Variants in ADK observed in about 807,000 individuals in gnomAD.
ADK encodes the protein N6,N6-dimethyladenosine kinase.
In ADK, 24 loss-of-function variants were observed where a neutral mutation model predicts 44.7. The ratio of observed to expected loss-of-function variants is 0.54; its 90% CI spans 0.39 to 0.76. The LOEUF is 0.76. Ranked by LOEUF, ADK falls within the 30% of genes least tolerant of loss-of-function variation. The pLI is 0.00. For synonymous variants in ADK, 128 were observed against 142.6 expected (o/e 0.90, Z 0.73); for missense variants, 321 against 425.1 (o/e 0.76, Z 2.15).
intron 6 of ADK, among the ~76,000 whole-genome samples, chr10:74,462,144 A>G (rs1257006608): frequency 6.6e-6 from 1 of 152,080 alleles, no homozygotes; most frequent in Non-Finnish European, 1.5e-5. Flanking sequence ...TTGTTTTTAT[A>G]CCAGAGCACC....
chr10:74,358,635 T>G (rs2131933838), intron 4 of ADK, among the ~76,000 whole-genome samples: 1 of 152,318 alleles, frequency 6.6e-6, no homozygotes, highest in South Asian at 2.1e-4. Context: ...CTGACAAAAC[T>G]TTTCATCCTC....
chr10:74,599,937 A>G (rs1852056914), intron 8 of ADK, among the ~76,000 whole-genome samples: 1 of 152,116 alleles, frequency 6.6e-6, no homozygotes, highest in South Asian at 2.1e-4. Context: ...TCTTTATAAA[A>G]ACCTCTCTTT....
intron 6 of ADK, among the ~76,000 whole-genome samples, chr10:74,467,331 A>G (rs1301143293): frequency 6.6e-6 from 1 of 152,156 alleles, no homozygotes; most frequent in Non-Finnish European, 1.5e-5. Context: ...GACTTGATGC[A>G]ATGAAGAACA....
At chr10:74,603,837 A>G (rs1057368637) in intron 9 of ADK, among the ~76,000 whole-genome samples, 6 of 152,224 alleles carry the variant, frequency 3.9e-5, no homozygotes, top group African/African-American at 1.4e-4. Context: ...TGTTTTCCAC[A>G]ATGGTTGAAC....
At position 74,675,096 on chromosome 10, in the gene ADK, G is replaced by A. The variant is rs568910908; in HGVS notation, c.964+4827G>A. On this transcript the variant is annotated intron_variant, in intron 10 of 10. Coordinates refer to ENST00000539909, the MANE Select transcript of ADK (RefSeq NM_006721.4). ...ACTTTCAAGTTTTGCTGGCCTAAGA[G>A]TATTTCTGTCTTTTGTGACTTTGCA... Among the ~76,000 whole-genome samples the A allele has an allele frequency of 3.9e-5, 6 of 152,216 alleles. No individual in the cohort carries two copies. The South Asian group carries it at 1.0e-3, about 26-fold the overall frequency.
chr10:74,381,420 G>T (rs973456476), intron 4 of ADK, among the ~76,000 whole-genome samples: 7 of 152,156 alleles, frequency 4.6e-5, no homozygotes, highest in African/African-American at 1.4e-4. Flanking sequence ...ACTAACTCAG[G>T]TAGAGGAAAG....
intron 9 of ADK, among the ~76,000 whole-genome samples, chr10:74,629,036 C>G (rs1350767620): frequency 6.6e-6 from 1 of 151,974 alleles, no homozygotes; most frequent in Non-Finnish European, 1.5e-5. Context: ...ATTCTGCACC[C>G]TACTCTTTTT....
chr10:74,379,633 C>T (rs1842920634), intron 4 of ADK, among the ~76,000 whole-genome samples: 1 of 152,216 alleles, frequency 6.6e-6, no homozygotes, highest in African/African-American at 2.4e-5. Context: ...GCCTCAGATG[C>T]TTTGCATTGC....
chr10:74,386,338 A>G (rs1843139584), intron 4 of ADK, among the ~76,000 whole-genome samples: 1 of 152,182 alleles, frequency 6.6e-6, no homozygotes, highest in Non-Finnish European at 1.5e-5. Flanking sequence ...TCTATTATGA[A>G]TTGAATTAAA....
At chr10:74,464,843 AAGAG>A (rs1259258985) in intron 6 of ADK, among the ~76,000 whole-genome samples, 1 of 151,684 alleles carries the variant, frequency 6.6e-6, no homozygotes, top group African/African-American at 2.4e-5. Context: ...TTAAGAAAAA[AAGAG>A]AGAGAGAGAG....
chr10:74,204,188 C>G (rs923119668), intron 2 of ADK, among the ~76,000 whole-genome samples: 1 of 152,030 alleles, frequency 6.6e-6, no homozygotes, highest in Non-Finnish European at 1.5e-5. Flanking sequence ...AACTCCTGAC[C>G]TTGTGATCCA....
intron 7 of ADK, among the ~76,000 whole-genome samples, chr10:74,559,160 G>A (rs1850368735): frequency 6.6e-6 from 1 of 152,216 alleles, no homozygotes; most frequent in Non-Finnish European, 1.5e-5. Flanking sequence ...TTGCCACCCT[G>A]CTGTGTGTCA....
intron 4 of ADK, among the ~76,000 whole-genome samples, chr10:74,345,552 C>G (rs1321438024): frequency 6.6e-6 from 1 of 152,124 alleles, no homozygotes; most frequent in Non-Finnish European, 1.5e-5. Context: ...AAGTGAAACC[C>G]CTGCCTTGGC....
chr10:74,651,937 A>G (rs1000516665), intron 9 of ADK, among the ~76,000 whole-genome samples: 1 of 152,232 alleles, frequency 6.6e-6, no homozygotes, highest in Non-Finnish European at 1.5e-5. Flanking sequence ...ATTTGAATTT[A>G]GAACAGGCAC....
intron 4 of ADK, among the ~76,000 whole-genome samples, chr10:74,341,934 A>G (rs566934158): frequency 5.3e-5 from 8 of 152,198 alleles, no homozygotes; most frequent in Non-Finnish European, 1.2e-4. Context: ...CACAAATGAT[A>G]TCACTTCTTG....
chr10:74,453,117 CA>C (rs1253030949), intron 6 of ADK, among the ~76,000 whole-genome samples: 1 of 151,938 alleles, frequency 6.6e-6, no homozygotes. Flanking sequence ...AAAAATCTCA[CA>C]AATGAGATTT....
intron 3 of ADK, among the ~76,000 whole-genome samples, chr10:74,264,603 C>T (rs1846151728): frequency 6.6e-6 from 1 of 151,958 alleles, no homozygotes; most frequent in Non-Finnish European, 1.5e-5. Context: ...TTTGTGGTGT[C>T]TTTTGCCTCA....
At chr10:74,507,933 C>T (rs1848147061) in intron 6 of ADK, among the ~76,000 whole-genome samples, 1 of 152,092 alleles carries the variant, frequency 6.6e-6, no homozygotes, top group Non-Finnish European at 1.5e-5. Flanking sequence ...TTTAAATGGG[C>T]ATTGACATGT....
intron 10 of ADK, among the ~76,000 whole-genome samples, chr10:74,671,315 A>G (rs1855174132): frequency 6.6e-6 from 1 of 150,900 alleles, no homozygotes; most frequent in African/African-American, 2.4e-5. Flanking sequence ...CTCCTGCCTC[A>G]GCCTCCCAAG....
Sources: gnomAD v4.1 joint callset for allele counts (sites outside exome capture counted in the v4.1 genomes callset) on GRCh38, gnomAD v4.1.1 for gene constraint, MANE v1.5 for transcripts, NCBI Gene and HGNC (gene_info 2026-07-23, HGNC 2026-07-21) for gene names.